The following FIRRM variants were observed in gnomAD, a reference collection of about 807,000 sequenced individuals.
FIRRM encodes the protein FIGNL1 interacting regulator of recombination and mitosis.
At chr1:169,837,335 G>A in the FIRRM span, among the ~76,000 whole-genome samples, 12 of 152,098 alleles carry the variant, frequency 7.9e-5, no homozygotes, top group Admixed American at 2.0e-4. Flanking sequence ...TTCCTATGTC[G>A]CTTAAGGTAT....
the FIRRM span, chr1:169,853,943 C>T: frequency 3.1e-4 from 224 of 733,266 alleles, 1 homozygote; most frequent in African/African-American, 3.8e-3. Flanking sequence ...AGTAGGATTA[C>T]AAAACCATGG....
the FIRRM span, among the ~76,000 whole-genome samples, chr1:169,840,285 A>T: frequency 6.6e-6 from 1 of 152,178 alleles, no homozygotes; most frequent in African/African-American, 2.4e-5. Flanking sequence ...TTGGTAGGAA[A>T]AGCATTGAAT....
the FIRRM span, among the ~76,000 whole-genome samples, chr1:169,818,679 G>C: frequency 2.0e-5 from 3 of 151,976 alleles, no homozygotes; most frequent in African/African-American, 4.8e-5. Flanking sequence ...TCATTTGCCA[G>C]TTTTATTTAT....
chr1:169,793,089 TACCTAGTAA>T, the FIRRM span: 1 of 1,614,172 alleles, frequency 6.2e-7, no homozygotes, highest in South Asian at 1.1e-5. Context: ...AATGCAGTTA[TACCTAGTAA>T]ACCTGATCCA....
chr1:169,786,496 G>C, the FIRRM span, among the ~76,000 whole-genome samples: 6 of 152,206 alleles, frequency 3.9e-5, no homozygotes, highest in East Asian at 7.7e-4. Context: ...GGCACAATTT[G>C]CTGTGCCACT....
chr1:169,845,805 CAA>C, the FIRRM span, among the ~76,000 whole-genome samples: 12 of 152,198 alleles, frequency 7.9e-5, no homozygotes, highest in Non-Finnish European at 1.0e-4. Flanking sequence ...TTGAACCCCC[CAA>C]AGTCATCCAT....
At chr1:169,842,954 T>C in the FIRRM span, among the ~76,000 whole-genome samples, 1 of 152,214 alleles carries the variant, frequency 6.6e-6, no homozygotes, top group Non-Finnish European at 1.5e-5. Flanking sequence ...TAATTTGTAT[T>C]TCTCTTTCCC....
the FIRRM span, among the ~76,000 whole-genome samples, chr1:169,810,752 A>G: frequency 2.0e-3 from 297 of 151,518 alleles, no homozygotes; most frequent in Non-Finnish European, 3.1e-3. Flanking sequence ...TTCTCAATTA[A>G]GTCTTGAAAT....
the FIRRM span, among the ~76,000 whole-genome samples, chr1:169,797,360 AATCATAACTG>A: frequency 3.3e-5 from 5 of 152,238 alleles, no homozygotes; most frequent in African/African-American, 1.2e-4. Flanking sequence ...ATGTCTGCAT[AATCATAACTG>A]ACTAATTTTG....
the FIRRM span, among the ~76,000 whole-genome samples, chr1:169,836,564 G>T: frequency 7.2e-5 from 11 of 152,248 alleles, no homozygotes; most frequent in South Asian, 2.3e-3. Context: ...TGTATATTTG[G>T]AATATTACTT....
chr1:169,827,965 G>A, the FIRRM span: 507 of 962,066 alleles, frequency 5.3e-4, 1 homozygote, highest in African/African-American at 7.6e-3. Flanking sequence ...AATAGTTATT[G>A]TGTAGACACA....
At chr1:169,807,001 C>T in the FIRRM span, among the ~76,000 whole-genome samples, 1 of 152,204 alleles carries the variant, frequency 6.6e-6, no homozygotes, top group African/African-American at 2.4e-5. Flanking sequence ...TTACCCTCTT[C>T]CAGTTCATTT....
the FIRRM span, chr1:169,826,073 C>CT: frequency 2.8e-4 from 90 of 322,322 alleles, no homozygotes; most frequent in Non-Finnish European, 4.2e-4. Context: ...TTTAAAACAA[C>CT]TTTTTTTTTC....
chr1:169,809,814 G>C, the FIRRM span, among the ~76,000 whole-genome samples: 2 of 152,112 alleles, frequency 1.3e-5, no homozygotes, highest in South Asian at 4.1e-4. Context: ...GACGCCCTCT[G>C]CTGTTCACTA....
chr1:169,838,665 TTTTTAG>T, the FIRRM span, among the ~76,000 whole-genome samples: 1 of 152,002 alleles, frequency 6.6e-6, no homozygotes, highest in East Asian at 1.9e-4. Flanking sequence ...CATTTTTGTA[TTTTTAG>T]TAGAGATGGG....
At chr1:169,814,674 T>G in the FIRRM span, among the ~76,000 whole-genome samples, 1 of 152,260 alleles carries the variant, frequency 6.6e-6, no homozygotes, top group Non-Finnish European at 1.5e-5. Context: ...AATTGAGGTC[T>G]GCAACTGCAA....
the FIRRM span, among the ~76,000 whole-genome samples, chr1:169,817,380 C>T: frequency 0.11 from 15,983 of 152,180 alleles, 1,017 homozygotes; most frequent in Admixed American, 0.18. Flanking sequence ...CTTAGGGCAG[C>T]CTCTGTTAAA....
the FIRRM span, among the ~76,000 whole-genome samples, chr1:169,815,237 A>G: frequency 6.6e-6 from 1 of 151,452 alleles, no homozygotes; most frequent in African/African-American, 2.4e-5. Context: ...TGGAGGTTGC[A>G]GTGAGCCGAG....
the FIRRM span, chr1:169,804,524 AT>A: frequency 0.025 from 5,087 of 203,534 alleles, 315 homozygotes; most frequent in East Asian, 0.22. Flanking sequence ...TAACTTTCAC[AT>A]TTTTTTAACC....
Sources: allele counts gnomAD v4.1 joint callset (sites outside exome capture counted in the v4.1 genomes callset), GRCh38; gene constraint gnomAD v4.1.1; transcripts MANE v1.5; gene names NCBI Gene and HGNC (gene_info 2026-07-23, HGNC 2026-07-21).